CTNNA2: variants seen among roughly 807,000 people sequenced by gnomAD.
CTNNA2 encodes catenin alpha 2.
A neutral mutation model predicts 101.0 loss-of-function variants in CTNNA2; 42 were observed. The ratio of observed to expected loss-of-function variants is 0.42; its 90% confidence interval spans 0.32 to 0.54. The LOEUF is 0.54. Among genes scored for constraint, CTNNA2 ranks in the 20% least tolerant of loss-of-function variants. The probability of loss-of-function intolerance (pLI) is 0.14; values close to 1 mark genes in which losing one functional copy is unlikely to be tolerated. For synonymous variants in CTNNA2, 450 were observed against 456.4 expected, an observed-to-expected ratio of 0.99 and a Z score of 0.18; for missense variants, 871 against 1,223.1, an observed-to-expected ratio of 0.71 and a Z score of 4.29.
rs149987914 is a variant in CTNNA2 at position 80,520,094 on chromosome 2, C to G, written c.1291-24888C>G. ...CCCTGATTTCCTCATCCCTCCTCCT[C>G]CAGGAATGCTGTTAAAATAGAAATT... On this transcript the variant is annotated intron_variant, in intron 9 of 18. Coordinates refer to ENST00000402739, the MANE Select transcript of CTNNA2 (RefSeq NM_001282597.3). 1.2e-3 allele frequency among the ~76,000 whole-genome samples: 178 copies of G among 152,254 alleles called. 2 individuals carry two copies. In the Middle Eastern group the frequency reaches 0.017, roughly 15 times the overall value.
At chr2:79,380,377 CATTTTATGAAAATGGAAG>C (rs71678133) in intron 4 of CTNNA2, among the ~76,000 whole-genome samples, 112,526 of 151,592 alleles carry the variant, frequency 0.74, 42,114 homozygotes, top group South Asian at 0.82. Context: ...ATGCCTCTTC[CATTTTATGAAAATGGAAG>C]ATTTTATGAA....
At chr2:80,258,852 C>G (rs1672375896) in intron 7 of CTNNA2, among the ~76,000 whole-genome samples, 1 of 152,058 alleles carries the variant, frequency 6.6e-6, no homozygotes, top group South Asian at 2.1e-4. Flanking sequence ...TTGGCAGGAC[C>G]TTTGGTGGAA....
At chr2:79,642,079 G>T (rs1219313746) in intron 1 of CTNNA2, among the ~76,000 whole-genome samples, 2 of 152,092 alleles carry the variant, frequency 1.3e-5, no homozygotes, top group Non-Finnish European at 2.9e-5. Flanking sequence ...AGAAGAAAAA[G>T]GAGATTCTGA....
chr2:80,630,107 C>T (rs891962329), intron 18 of CTNNA2, among the ~76,000 whole-genome samples: 1 of 152,134 alleles, frequency 6.6e-6, no homozygotes, highest in Admixed American at 6.5e-5. Context: ...AGGTCTAGAT[C>T]TACCTCTTTG....
At chr2:80,403,409 G>C (rs1036282240) in intron 8 of CTNNA2, among the ~76,000 whole-genome samples, 8 of 152,182 alleles carry the variant, frequency 5.3e-5, no homozygotes, top group Non-Finnish European at 8.8e-5. Flanking sequence ...TTGGACTCCA[G>C]ATTCGAAGAC....
chr2:80,639,947 C>G (rs1208675981), intron 18 of CTNNA2, among the ~76,000 whole-genome samples: 1 of 151,924 alleles, frequency 6.6e-6, no homozygotes, highest in Non-Finnish European at 1.5e-5. Context: ...ACTAAAAATA[C>G]ACAAATTAGC....
chr2:80,026,750 A>G (rs1485179146), intron 7 of CTNNA2, among the ~76,000 whole-genome samples: 1 of 152,222 alleles, frequency 6.6e-6, no homozygotes, highest in Non-Finnish European at 1.5e-5. Context: ...AAACTAAGGT[A>G]TGAAGTGTAG....
chr2:80,082,556 T>C (rs1220911915), intron 7 of CTNNA2, among the ~76,000 whole-genome samples: 1 of 152,154 alleles, frequency 6.6e-6, no homozygotes. Flanking sequence ...GTGCATTTGG[T>C]CGGTGGGTGA....
At chr2:80,452,443 TA>T (rs932024290) in intron 9 of CTNNA2, among the ~76,000 whole-genome samples, 1 of 148,930 alleles carries the variant, frequency 6.7e-6, no homozygotes, top group Non-Finnish European at 1.5e-5. Context: ...CAATAGTTTT[TA>T]ACCCAATGGT....
intron 3 of CTNNA2, among the ~76,000 whole-genome samples, chr2:79,799,166 G>T (rs1675957749): frequency 1.4e-5 from 2 of 146,110 alleles, no homozygotes; most frequent in South Asian, 4.6e-4. Flanking sequence ...ATAATTCGAT[G>T]CAGTCTCAGA....
At chr2:80,446,618 C>T (rs1167946761) in intron 9 of CTNNA2, among the ~76,000 whole-genome samples, 2 of 152,022 alleles carry the variant, frequency 1.3e-5, no homozygotes, top group Non-Finnish European at 2.9e-5. Context: ...AAAAAAAAAT[C>T]ATGTAAGGCT....
chr2:79,839,480 C>T (rs187269570), intron 3 of CTNNA2, among the ~76,000 whole-genome samples: 2 of 152,076 alleles, frequency 1.3e-5, no homozygotes, highest in East Asian at 3.9e-4. Context: ...GGAAAATTAC[C>T]AGCCATTATC....
At chr2:80,015,070 A>G (rs894464720) in intron 7 of CTNNA2, among the ~76,000 whole-genome samples, 1 of 152,162 alleles carries the variant, frequency 6.6e-6, no homozygotes, top group Non-Finnish European at 1.5e-5. Context: ...GAGTCTATTT[A>G]ATTTTTAGAA....
At chr2:79,201,446 T>G (rs1460585345) in intron 2 of CTNNA2, among the ~76,000 whole-genome samples, 1 of 63,816 alleles carries the variant, frequency 1.6e-5, no homozygotes, top group Non-Finnish European at 3.4e-5. Flanking sequence ...CAAATTCACC[T>G]TCCTTCCCTG....
chr2:80,646,417 T>C (rs962736318), intron 18 of CTNNA2, among the ~76,000 whole-genome samples: 1 of 152,154 alleles, frequency 6.6e-6, no homozygotes, highest in Admixed American at 6.6e-5. Flanking sequence ...TGGAATGATA[T>C]TTGCAGTTCA....
chr2:79,487,146 T>C (rs894982827), intron 4 of CTNNA2, among the ~76,000 whole-genome samples: 1 of 152,228 alleles, frequency 6.6e-6, no homozygotes, highest in African/African-American at 2.4e-5. Flanking sequence ...CTTTGGAAAT[T>C]TCATGTTTTC....
At chr2:80,469,191 G>T (rs1047428770) in intron 9 of CTNNA2, among the ~76,000 whole-genome samples, 1 of 152,106 alleles carries the variant, frequency 6.6e-6, no homozygotes, top group Non-Finnish European at 1.5e-5. Context: ...CTGAGGTTTT[G>T]GTCATTTTGC....
intron 1 of CTNNA2, among the ~76,000 whole-genome samples, chr2:79,520,546 A>G (rs750610892): frequency 9.9e-5 from 15 of 152,212 alleles, no homozygotes; most frequent in Non-Finnish European, 1.9e-4. Context: ...TTGCTCTTCA[A>G]AAGACAAAAG....
intron 3 of CTNNA2, among the ~76,000 whole-genome samples, chr2:79,322,465 C>T (rs181312275): frequency 5.9e-4 from 90 of 152,280 alleles, no homozygotes; most frequent in Middle Eastern, 3.4e-3. Flanking sequence ...CAGTTACTTA[C>T]GGGAAAGTGG....
Sources: allele counts gnomAD v4.1 joint callset (sites outside exome capture counted in the v4.1 genomes callset), GRCh38; gene constraint gnomAD v4.1.1; transcripts MANE v1.5; gene names NCBI Gene and HGNC (gene_info 2026-07-23, HGNC 2026-07-21).